EIF3H: variants seen among roughly 807,000 people sequenced by gnomAD.
EIF3H encodes eukaryotic translation initiation factor 3 subunit H.
EIF3H carries 26 observed loss-of-function variants against 44.2 expected under a neutral mutation model. The observed-to-expected ratio is 0.59, with a 90% CI of 0.43 to 0.82. The LOEUF (loss-of-function observed/expected upper bound fraction) is 0.82, where lower values mean the gene tolerates loss of function less well. Ranked by LOEUF, EIF3H falls within the 40% of genes least tolerant of loss-of-function variation. The pLI is 0.00. For synonymous variants in EIF3H, 166 were observed against 151.9 expected, an observed-to-expected ratio of 1.09 and a Z score of -0.68; for missense variants, 359 against 432.8, an observed-to-expected ratio of 0.83 and a Z score of 1.51.
chr8:116,684,086 GAT>G (rs1814035157), intron 2 of EIF3H, among the ~76,000 whole-genome samples: 1 of 152,200 alleles, frequency 6.6e-6, no homozygotes, highest in Non-Finnish European at 1.5e-5. Context: ...AGAAAAATAA[GAT>G]ATGTCACTAA....
chr8:116,671,523 A>G (rs1813754498), intron 2 of EIF3H, among the ~76,000 whole-genome samples: 1 of 152,142 alleles, frequency 6.6e-6, no homozygotes, highest in Non-Finnish European at 1.5e-5. Context: ...ATTTTGGGGG[A>G]CAAAAATCAG....
chr8:116,740,544 G>GT (rs1322456518), intron 1 of EIF3H, among the ~76,000 whole-genome samples: 1 of 152,022 alleles, frequency 6.6e-6, no homozygotes, highest in Non-Finnish European at 1.5e-5. Context: ...CACAACTTCT[G>GT]TAAGACAGTG....
intron 1 of EIF3H, among the ~76,000 whole-genome samples, chr8:116,746,012 C>G (rs1815228464): frequency 6.6e-6 from 1 of 152,018 alleles, no homozygotes; most frequent in African/African-American, 2.4e-5. Flanking sequence ...TACCAGTACT[C>G]TTCCCAATGC....
At chr8:116,737,520 G>T (rs112216103) in intron 1 of EIF3H, among the ~76,000 whole-genome samples, 129 of 152,064 alleles carry the variant, frequency 8.5e-4, no homozygotes, top group African/African-American at 2.8e-3. Flanking sequence ...GCCAGATATG[G>T]TGGCTGGCAC....
At chr8:116,655,756 T>C (rs1813478260) in intron 5 of EIF3H, 100 bp downstream of exon 5, 3 of 1,280,282 alleles carry the variant, frequency 2.3e-6, no homozygotes, top group Admixed American at 4.0e-5. Context: ...ATAAACGTTC[T>C]TAAGTAACTG....
intron 2 of EIF3H, among the ~76,000 whole-genome samples, chr8:116,703,769 G>A (rs1038863553): frequency 2.0e-5 from 3 of 152,138 alleles, no homozygotes; most frequent in Admixed American, 1.3e-4. Flanking sequence ...AGGCATTTGG[G>A]GCCACTACCG....
At chr8:116,661,711 C>T (rs944685197) in intron 2 of EIF3H, among the ~76,000 whole-genome samples, 3 of 152,132 alleles carry the variant, frequency 2.0e-5, no homozygotes, top group Non-Finnish European at 4.4e-5. Flanking sequence ...CCTCAAATAG[C>T]CTGAATACAA....
chr8:116,644,856 T>G lies in EIF3H; in HGVS notation c.*150A>C, dbSNP rs1014918552. 1 of 566,918 alleles carries G rather than the reference T, an allele frequency of 1.8e-6. No individual in the cohort carries two copies. Among genetic ancestry groups the G allele is most frequent in the Non-Finnish European group, 3.1e-6 (1 of 318,944 alleles). 35.1% of individuals were successfully genotyped at this position (566,918 alleles called of 1,614,324 possible). On this transcript the variant is annotated 3_prime_UTR_variant, in exon 8 of 8. Transcript: ENST00000521861. ...GTCAAGATTTTGTTTTATTTTATTA[T>G]GGCTAGAAAGACACTGTTATAGCCA...
At chr8:116,741,040 T>A (rs568525606) in intron 1 of EIF3H, among the ~76,000 whole-genome samples, 11 of 152,166 alleles carry the variant, frequency 7.2e-5, no homozygotes, top group Non-Finnish European at 1.6e-4. Context: ...ACATTTCACC[T>A]CTTCTCTTTT....
chr8:116,676,458 G>T (rs1813849398), intron 2 of EIF3H, among the ~76,000 whole-genome samples: 1 of 152,146 alleles, frequency 6.6e-6, no homozygotes, highest in African/African-American at 2.4e-5. Flanking sequence ...AGCAAAGGGG[G>T]GAAGAGCCTC....
At chr8:116,652,889 C>A (rs115077664) in intron 5 of EIF3H, among the ~76,000 whole-genome samples, 2 of 152,108 alleles carry the variant, frequency 1.3e-5, no homozygotes, top group South Asian at 4.1e-4. Flanking sequence ...GGTTTCTGAT[C>A]CTTTCATTTT....
upstream of EIF3H, chr8:116,755,926 G>T (rs1291077065): frequency 2.6e-6 from 4 of 1,540,718 alleles, no homozygotes; most frequent in South Asian, 2.4e-5. Context: ...ATTGGGCCCC[G>T]CCTCCCTCCT....
chr8:116,673,318 T>C (rs535343093), intron 2 of EIF3H, among the ~76,000 whole-genome samples: 1 of 152,300 alleles, frequency 6.6e-6, no homozygotes, highest in African/African-American at 2.4e-5. Flanking sequence ...ATCTAAAAAT[T>C]AATATTTCAA....
Position 116,729,266 on chromosome 8 carries a change from G to A in EIF3H, c.133-3094C>T, listed in dbSNP as rs184007538. On this transcript the variant is annotated intron_variant, in intron 1 of 7. Transcript: ENST00000521861. Reference sequence around the variant, plus strand: ...AGCTGATTCCTACATATGCAAAAGGGAATACTGGTGACTAGGACCAGCACA... The same window carrying A: ...AGCTGATTCCTACATATGCAAAAGGAAATACTGGTGACTAGGACCAGCACA... Among the ~76,000 whole-genome samples, 24 of 152,232 alleles carry A rather than the reference G, an allele frequency of 1.6e-4. No individual in the cohort carries two copies. In the East Asian group the frequency reaches 4.4e-3, roughly 28 times the overall value.
chr8:116,683,917 TCA>T (rs1159582297), intron 2 of EIF3H, among the ~76,000 whole-genome samples: 2 of 152,232 alleles, frequency 1.3e-5, no homozygotes, highest in East Asian at 1.9e-4. Flanking sequence ...CCATATTTAT[TCA>T]CAGTTTACTA....
At chr8:116,746,008 T>A (rs558982831) in intron 1 of EIF3H, among the ~76,000 whole-genome samples, 1 of 152,284 alleles carries the variant, frequency 6.6e-6, no homozygotes, top group African/African-American at 2.4e-5. Flanking sequence ...CACGTACCAG[T>A]ACTCTTCCCA....
At chr8:116,729,058 A>G (rs1306082697) in intron 1 of EIF3H, among the ~76,000 whole-genome samples, 1 of 152,258 alleles carries the variant, frequency 6.6e-6, no homozygotes, top group Non-Finnish European at 1.5e-5. Context: ...GGGATAAACT[A>G]AACTGATAAA....
chr8:116,727,057 A>T lies in EIF3H; in HGVS notation c.133-885T>A, dbSNP rs1176895408. On this transcript the variant is annotated intron_variant, in intron 1 of 7. Coordinates refer to ENST00000521861, the MANE Select transcript of EIF3H (RefSeq NM_003756.3). ...GAGGAAAAATAATTCTAACAAGAAA[A>T]TGACAATTTATTTGTACGTTATTAG... Among the ~76,000 whole-genome samples the T allele has an allele frequency of 2.6e-5, 4 of 152,232 alleles. No individual in the cohort carries two copies. The South Asian group carries it at 8.3e-4, about 32-fold the overall frequency.
chr8:116,729,298 T>C (rs1433572518), intron 1 of EIF3H, among the ~76,000 whole-genome samples: 1 of 152,150 alleles, frequency 6.6e-6, no homozygotes, highest in Non-Finnish European at 1.5e-5. Context: ...CACAGTTTCA[T>C]AAAGAAGCCA....
Sources: allele counts gnomAD v4.1 joint callset (sites outside exome capture counted in the v4.1 genomes callset), GRCh38; gene constraint gnomAD v4.1.1; transcripts MANE v1.5; gene names NCBI Gene and HGNC (gene_info 2026-07-23, HGNC 2026-07-21).